Variants in ERCC4 observed in about 807,000 individuals in gnomAD.
ERCC4 encodes DNA repair endonuclease XPF.
Under a neutral mutation model 76.9 loss-of-function variants are expected in ERCC4, and 65 were observed. The ratio of observed to expected loss-of-function variants is 0.84; its 90% CI spans 0.69 to 1.04. ERCC4 has a LOEUF of 1.04. ERCC4 is among the 50% of genes least tolerant of loss of function. The pLI is 0.00. For synonymous variants in ERCC4, 463 were observed against 410.1 expected, an observed-to-expected ratio of 1.13 and a Z score of -1.56; for missense variants, 1,214 against 1,128.2, an observed-to-expected ratio of 1.08 and a Z score of -1.09.
At position 13,950,265 on chromosome 16, in the gene ERCC4, A is replaced by G; in HGVS notation, c.*1918A>G. On this transcript the variant is annotated 3_prime_UTR_variant, in exon 11 of 11. Coordinates refer to ENST00000311895, the MANE Select transcript of ERCC4 (RefSeq NM_005236.3). ...CGTGAGCCACCGCACCCACCCAACA[A>G]AATTATTTTTAACTGTCGTTTCTGA... 5.2e-6 allele frequency: 1 copy of G among 190,842 alleles called. No individual in the cohort carries two copies. Among genetic ancestry groups the G allele is most frequent in the African/African-American group, 2.3e-5 (1 of 43,078 alleles). 11.8% of individuals were successfully genotyped at this position (190,842 alleles called of 1,614,324 possible).
chr16:13,934,654 G>A, intron 7 of ERCC4: 4 of 269,406 alleles, frequency 1.5e-5, no homozygotes, highest in Non-Finnish European at 2.8e-5. Flanking sequence ...GAATCCCCAA[G>A]GAATAAACTA....
Position 13,950,251 on chromosome 16 carries a change from G to A in ERCC4, c.*1904G>A, listed in dbSNP as rs770921381. The A allele has an allele frequency of 1.1e-5, 2 of 189,986 alleles. No homozygotes were observed. The highest frequency in any genetic ancestry group is 8.4e-5 in the East Asian group (1 of 11,920). The allele number at this position is 189,986 out of a possible 1,614,324, so 11.8% of individuals were successfully genotyped here. Reference sequence around the variant, plus strand: ...GCTGAGATAACAGGCGTGAGCCACCGCACCCACCCAACAAAATTATTTTTA... The same window carrying A: ...GCTGAGATAACAGGCGTGAGCCACCACACCCACCCAACAAAATTATTTTTA... On this transcript the variant is annotated 3_prime_UTR_variant, in exon 11 of 11. Transcript: ENST00000311895.
intron 9 of ERCC4, among the ~76,000 whole-genome samples, chr16:13,941,245 T>C (rs2032407967): frequency 6.6e-6 from 1 of 152,216 alleles, no homozygotes; most frequent in African/African-American, 2.4e-5. Flanking sequence ...TTATCTGTTA[T>C]CTGGCATAAT....
At chr16:13,926,502 A>G (rs2032073853) in intron 2 of ERCC4, 59 bp from the exon 3 acceptor site, 1 of 1,432,530 alleles carries the variant, frequency 7.0e-7, no homozygotes. Context: ...GAAAAATGTG[A>G]TGAATGAATG....
chr16:13,922,648 G>A (rs1019325141), intron 2 of ERCC4: 3 of 520,606 alleles, frequency 5.8e-6, no homozygotes, highest in African/African-American at 1.9e-5. Context: ...GCCCTTTTTG[G>A]CATGACCGTT....
chr16:13,925,164 A>C (rs1041689090), intron 2 of ERCC4, among the ~76,000 whole-genome samples: 1 of 152,234 alleles, frequency 6.6e-6, no homozygotes, highest in African/African-American at 2.4e-5. Context: ...AAATCTATAG[A>C]AACACCTAAC....
At chr16:13,920,565 G>T (rs1366749848) in intron 1 of ERCC4, among the ~76,000 whole-genome samples, 193 bp downstream of exon 1, 1 of 151,566 alleles carries the variant, frequency 6.6e-6, no homozygotes, top group Non-Finnish European at 1.5e-5. Context: ...GAACACAGAC[G>T]TATGTAAGGG....
Position 13,949,795 on chromosome 16 carries a change from G to T in ERCC4, c.*1448G>T, listed in dbSNP as rs1342065586. The T allele has an allele frequency of 1.3e-5, 3 of 231,738 alleles. No homozygotes were observed. Among genetic ancestry groups the T allele is most frequent in the Non-Finnish European group, 1.7e-5 (2 of 117,264 alleles). 14.4% of individuals were successfully genotyped at this position (231,738 alleles called of 1,614,324 possible). ...CTTTTGTTCACATGTTGAGTAATGG[G>T]TAGTAAATTTTCTACCTCAGGAGCT... On this transcript the variant is annotated 3_prime_UTR_variant, in exon 11 of 11. Coordinates refer to ENST00000311895, the MANE Select transcript of ERCC4 (RefSeq NM_005236.3).
chr16:13,942,504 A>G (rs771786449), intron 9 of ERCC4, among the ~76,000 whole-genome samples: 6 of 152,242 alleles, frequency 3.9e-5, no homozygotes, highest in Non-Finnish European at 8.8e-5. Context: ...AGTAATAATA[A>G]CACCTAACAT....
chr16:13,923,718 TATA>T (rs2032021017), intron 2 of ERCC4, among the ~76,000 whole-genome samples: 1 of 150,968 alleles, frequency 6.6e-6, no homozygotes, highest in African/African-American at 2.5e-5. Context: ...AATTTCTTAG[TATA>T]GTGCCTGGTA....
In ERCC4 at chr16:13,951,553, T is replaced by G; in HGVS notation, c.*3206T>G. ...TCAGCCTGAAGCTCGGTAGACAATATGTCTACATGTGTTTGAGTACATCCT... is the reference window on the plus strand; with the variant it reads ...TCAGCCTGAAGCTCGGTAGACAATAGGTCTACATGTGTTTGAGTACATCCT... On this transcript the variant is annotated 3_prime_UTR_variant, in exon 11 of 11. Coordinates refer to ENST00000311895, the MANE Select transcript of ERCC4 (RefSeq NM_005236.3). 1 of 212,392 alleles carries G rather than the reference T, an allele frequency of 4.7e-6. No individual in the cohort carries two copies. Among genetic ancestry groups the G allele is most frequent in the East Asian group, 7.1e-5 (1 of 14,058 alleles). 13.2% of individuals were successfully genotyped at this position (212,392 alleles called of 1,614,324 possible). A position where few individuals can be genotyped will look rare whatever the true frequency, so the allele number is the denominator to read the frequency against.
At chr16:13,931,569 C>T (rs1284794999) in intron 5 of ERCC4, 2 of 156,358 alleles carry the variant, frequency 1.3e-5, no homozygotes, top group Non-Finnish European at 2.8e-5. Flanking sequence ...AATTATGGAG[C>T]ATTCTTATGT....
At position 13,926,739 on chromosome 16, in the gene ERCC4, A is replaced by G; in HGVS notation, c.567A>G (p.Lys189=). ...TGATGAGAAATCTTTTTGTGAGGAA[A>G]CTGTATCTGTGGCCAAGGTAAAGAA... ...ERVMRNLFVR[K]LYLWPRFHVA... Residue 189 remains lysine (K), a synonymous_variant, in exon 3 of 11, where the codon AAA becomes AAG. Transcript: ENST00000311895. 6.2e-7 allele frequency: 1 copy of G among 1,613,574 alleles called. No homozygotes were observed. Among genetic ancestry groups the G allele is most frequent in the South Asian group, 1.1e-5 (1 of 91,064 alleles).
chr16:13,934,109 G>A, intron 6 of ERCC4, 83 bp from the exon 7 acceptor site: 1 of 834,170 alleles, frequency 1.2e-6, no homozygotes, highest in East Asian at 2.5e-5. Context: ...TGATGCTCGT[G>A]TTATCTGTTG....
At chr16:13,932,562 T>C in intron 6 of ERCC4, 1 of 541,544 alleles carries the variant, frequency 1.8e-6, no homozygotes, top group Non-Finnish European at 3.2e-6. Flanking sequence ...AAAAGTATGC[T>C]ACATGAGGAG....
At chr16:13,924,551 G>T (rs1435358933) in intron 2 of ERCC4, among the ~76,000 whole-genome samples, 1 of 152,200 alleles carries the variant, frequency 6.6e-6, no homozygotes, top group African/African-American at 2.4e-5. Context: ...AAGATAGACA[G>T]ATGAATGGGA....
In ERCC4 at chr16:13,950,476, T is replaced by C. The variant is rs2032609618; in HGVS notation, c.*2129T>C. The C allele has an allele frequency of 1.0e-5, 2 of 191,936 alleles. No homozygotes were observed. Among genetic ancestry groups the C allele is most frequent in the Non-Finnish European group, 2.2e-5 (2 of 91,810 alleles). The allele number at this position is 191,936 out of a possible 1,614,324, so 11.9% of individuals were successfully genotyped here. ...AGAAGAAATAAAAATTAGTTTAAGATGGAATAAAGATTTGGGCTGCTAATT... is the reference window on the plus strand; with the variant it reads ...AGAAGAAATAAAAATTAGTTTAAGACGGAATAAAGATTTGGGCTGCTAATT... On this transcript the variant is annotated 3_prime_UTR_variant, in exon 11 of 11. Coordinates refer to ENST00000311895, the MANE Select transcript of ERCC4 (RefSeq NM_005236.3).
intron 10 of ERCC4, among the ~76,000 whole-genome samples, chr16:13,945,843 C>G (rs1353873099): frequency 6.6e-6 from 1 of 152,204 alleles, no homozygotes; most frequent in Admixed American, 6.5e-5. Context: ...TCGTAGAAGT[C>G]TTTCCTTAGA....
chr16:13,930,556 GT>G (rs1389675861), intron 4 of ERCC4, 153 bp from the exon 5 acceptor site: 1 of 613,366 alleles, frequency 1.6e-6, no homozygotes, highest in South Asian at 2.1e-5. Flanking sequence ...AATGCTTGCA[GT>G]TTTTTTATTG....
Sources: gnomAD v4.1 joint callset for allele counts (sites outside exome capture counted in the v4.1 genomes callset) on GRCh38, gnomAD v4.1.1 for gene constraint, MANE v1.5 for transcripts, NCBI Gene and HGNC (gene_info 2026-07-23, HGNC 2026-07-21) for gene names.